The following PGAP3 variants were observed in gnomAD, a reference collection of about 807,000 sequenced individuals.
The protein encoded by PGAP3 is post-GPI attachment to proteins phospholipase 3.
A neutral mutation model predicts 40.3 loss-of-function variants in PGAP3; 31 were observed. The observed-to-expected ratio is 0.77, with a 90% CI of 0.58 to 1.04. The LOEUF (loss-of-function observed/expected upper bound fraction) is 1.04. PGAP3 is among the 50% of genes least tolerant of loss of function. PGAP3 has a pLI of 0.00. For synonymous variants in PGAP3, 191 were observed against 184.5 expected (o/e 1.04, Z -0.29); for missense variants, 413 against 423.0 (o/e 0.98, Z 0.21).
At chr17:39,678,105 G>A (rs748835650) in intron 3 of PGAP3, among the ~76,000 whole-genome samples, 1 of 152,166 alleles carries the variant, frequency 6.6e-6, no homozygotes, top group Admixed American at 6.5e-5. Flanking sequence ...CTTTTTCCAA[G>A]ATCCCAGAGG....
chr17:39,679,110 T>G (rs1345502046), intron 3 of PGAP3, among the ~76,000 whole-genome samples: 3 of 152,164 alleles, frequency 2.0e-5, no homozygotes, highest in Non-Finnish European at 2.9e-5. Flanking sequence ...CACGCCTGAC[T>G]AATTTTTGTA....
chr17:39,681,555 C>T (rs1434381386), intron 3 of PGAP3, among the ~76,000 whole-genome samples: 2 of 151,952 alleles, frequency 1.3e-5, no homozygotes, highest in South Asian at 2.1e-4. Context: ...GTTGCCCAGG[C>T]GGGAGTGCAA....
At position 39,683,908 on chromosome 17, in the gene PGAP3, T is replaced by C. The variant is rs1217238297; in HGVS notation, c.432+689A>G. 2.0e-5 allele frequency among the ~76,000 whole-genome samples: 3 copies of C among 151,980 alleles called. No homozygotes were observed. The East Asian group carries it at 5.8e-4, about 29-fold the overall frequency. ...GGGAGGCCGAGGTGGGTGGATCACC[T>C]GAGGTTGGGAGTTCGAGACCAGCCT... On this transcript the variant is annotated intron_variant, in intron 3 of 7. Coordinates refer to ENST00000300658, the MANE Select transcript of PGAP3 (RefSeq NM_033419.5).
At position 39,674,627 on chromosome 17, in the gene PGAP3, T is replaced by A; in HGVS notation, c.485A>T (p.Asp162Val). The change falls in exon 4 of 8, where the codon GAC (aspartate) becomes GTC (valine). Residue 162 changes from aspartate to valine, a missense_variant. Transcript: ENST00000300658. ...TGGAGGAATGCTCACCTCTGTGAGG[T>A]CAGTGTCCCTGGTGTGGAAAACTGT... ...WSTVFHTRDT[D>V]LTEKMDYFCA... 1 of 1,551,056 alleles carries A rather than the reference T, an allele frequency of 6.4e-7. No homozygotes were observed. Among genetic ancestry groups the A allele is most frequent in the Non-Finnish European group, 8.7e-7 (1 of 1,146,530 alleles).
At chr17:39,677,804 G>A (rs919410626) in intron 3 of PGAP3, among the ~76,000 whole-genome samples, 1 of 152,220 alleles carries the variant, frequency 6.6e-6, no homozygotes, top group Non-Finnish European at 1.5e-5. Flanking sequence ...TATCACAGCC[G>A]TGAAACTGGT....
In PGAP3 at chr17:39,687,820, G is replaced by A; in HGVS notation, c.181+14C>T. On this transcript the variant is annotated intron_variant, in intron 1 of 7. Transcript: ENST00000300658. ...AGACAAATGGGCGGGGCTTACCGTG[G>A]GGGTGGGGCTTACCTGCTAGACTCA... 7.1e-7 allele frequency: 1 copy of A among 1,399,344 alleles called. No homozygotes were observed. Among genetic ancestry groups the A allele is most frequent in the Non-Finnish European group, 9.4e-7 (1 of 1,058,756 alleles). 86.7% of individuals were successfully genotyped at this position (1,399,344 alleles called of 1,614,324 possible).
chr17:39,687,361 T>C (rs553800936), intron 1 of PGAP3, among the ~76,000 whole-genome samples: 1 of 152,290 alleles, frequency 6.6e-6, no homozygotes, highest in African/African-American at 2.4e-5. Flanking sequence ...CCCACTATGG[T>C]CCAAATCGAA....
chr17:39,681,994 G>C (rs2057446075), intron 3 of PGAP3, among the ~76,000 whole-genome samples: 1 of 151,666 alleles, frequency 6.6e-6, no homozygotes, highest in African/African-American at 2.4e-5. Context: ...GCCGAGGCAG[G>C]CGGATCACGA....
intron 3 of PGAP3, 67 bp from the exon 4 acceptor site, chr17:39,674,746 G>A: frequency 7.0e-7 from 1 of 1,432,034 alleles, no homozygotes; most frequent in South Asian, 1.3e-5. Flanking sequence ...ACCCCCATTT[G>A]CTCACATCCA....
chr17:39,687,356 T>A (rs2145159059), intron 1 of PGAP3, among the ~76,000 whole-genome samples: 1 of 152,368 alleles, frequency 6.6e-6, no homozygotes, highest in South Asian at 2.1e-4. Flanking sequence ...CTTTGCCCAC[T>A]ATGGTCCAAA....
chr17:39,676,843 C>T (rs1179808584), intron 3 of PGAP3: 1 of 152,324 alleles, frequency 6.6e-6, no homozygotes, highest in Non-Finnish European at 1.5e-5. Flanking sequence ...CAGGCTGAAA[C>T]ATGAGTGTTC....
intron 2 of PGAP3, 125 bp downstream of exon 2, chr17:39,685,797 G>A (rs763424266): frequency 8.7e-5 from 69 of 793,240 alleles, no homozygotes; most frequent in Middle Eastern, 2.9e-4. Context: ...GGGAGAACAG[G>A]TAGCTGCCCC....
intron 3 of PGAP3, among the ~76,000 whole-genome samples, chr17:39,679,218 T>G (rs2057410589): frequency 6.6e-6 from 1 of 152,188 alleles, no homozygotes; most frequent in African/African-American, 2.4e-5. Context: ...GTGCTGGGAT[T>G]ACAGACGTGA....
Position 39,684,737 on chromosome 17 carries a change from G to A in PGAP3, c.292C>T (p.Arg98Trp), listed in dbSNP as rs749962365. The part of the protein sequence containing the change: ...PQFHGKWPFS[R>W]FLFFQEPASA... ...GCCGGCTCTTGAAAGAACAGGAACC[G>A]GGAGAAGGGCCACTGAAAAAGGAGC... The change falls in exon 3 of 8, where the codon CGG becomes TGG. Residue 98 changes from arginine to tryptophan, a missense_variant. Physicochemically the swap from Arg to Trp is moderately radical, Grantham distance 101 (BLOSUM62 -3). Coordinates refer to ENST00000300658, the MANE Select transcript of PGAP3 (RefSeq NM_033419.5). 15 of 1,605,574 alleles carry A rather than the reference G, an allele frequency of 9.3e-6. No homozygotes were observed. Among genetic ancestry groups the A allele is most frequent in the Admixed American group, 1.7e-5 (1 of 58,432 alleles).
chr17:39,685,986 C>T lies in PGAP3; in HGVS notation c.215G>A (p.Cys72Tyr), dbSNP rs1335747643. 4.3e-6 allele frequency: 7 copies of T among 1,613,308 alleles called. No homozygotes were observed. The highest frequency in any genetic ancestry group is 1.3e-5 in the African/African-American group (1 of 74,926). Residue 72 changes from cysteine (C) to tyrosine (Y), a missense_variant, in exon 2 of 8, where the codon TGT becomes TAT. Transcript: ENST00000300658. The stretch of plus-strand genomic sequence containing the variant: ...GTAGAGCCCAACGGTGACCCACATA[C>T]ACTCATACTTACAGTCGTCCCGACA... ...WTCRDDCKYE[C>Y]MWVTVGLYLQ...
At chr17:39,685,283 C>T (rs2057495636) in intron 2 of PGAP3, among the ~76,000 whole-genome samples, 1 of 150,780 alleles carries the variant, frequency 6.6e-6, no homozygotes, top group Non-Finnish European at 1.5e-5. Context: ...TGAGACCATC[C>T]TGGCTAACAT....
Position 39,685,959 on chromosome 17 carries a change from A to G in PGAP3, c.242T>C (p.Leu81Pro). The G allele has an allele frequency of 6.2e-7, 1 of 1,613,524 alleles. No individual in the cohort carries two copies. The highest frequency in any genetic ancestry group is 8.5e-7 in the Non-Finnish European group (1 of 1,179,586). The change falls in exon 2 of 8, where the codon CTC (leucine) becomes CCC (proline). Residue 81 changes from leucine to proline, a missense_variant. By Grantham distance (98) the Leu-to-Pro change is moderately conservative. Coordinates refer to ENST00000300658, the MANE Select transcript of PGAP3 (RefSeq NM_033419.5). Reference protein sequence around the residue: ...ECMWVTVGLYLQEGHKVPQFH... With the variant: ...ECMWVTVGLYPQEGHKVPQFH... ...CTGAGGCACTTTGTGACCTTCCTGG[A>G]GGTAGAGCCCAACGGTGACCCACAT... is the stretch of plus-strand genomic sequence containing the variant.
chr17:39,673,739 G>A, intron 5 of PGAP3, 89 bp from the exon 6 acceptor site: 1 of 1,545,528 alleles, frequency 6.5e-7, no homozygotes, highest in Non-Finnish European at 8.8e-7. Context: ...CAACATTGGT[G>A]CATGGCCCCT....
At chr17:39,684,262 G>C (rs921102573) in intron 3 of PGAP3, among the ~76,000 whole-genome samples, 2 of 151,954 alleles carry the variant, frequency 1.3e-5, no homozygotes, top group Non-Finnish European at 2.9e-5. Flanking sequence ...AAGACCTGTG[G>C]TCCCAGCATC....
Sources: gnomAD v4.1 joint callset for allele counts (sites outside exome capture counted in the v4.1 genomes callset) on GRCh38, gnomAD v4.1.1 for gene constraint, MANE v1.5 for transcripts, NCBI Gene and HGNC (gene_info 2026-07-23, HGNC 2026-07-21) for gene names.